The following SLC22A25 variants were observed in gnomAD, a reference collection of about 807,000 sequenced individuals.
SLC22A25 encodes MGI:2442751, MGI:2385316, MGI:3042283, MGI:3645714, MGI:3605624, MGI:2442750.
A neutral mutation model predicts 45.9 loss-of-function variants in SLC22A25; 44 were observed. The observed-to-expected ratio is 0.96, with a 90% CI of 0.75 to 1.23. The LOEUF (loss-of-function observed/expected upper bound fraction) is 1.23. Ranked by LOEUF, SLC22A25 falls within the 50% of genes most tolerant of loss-of-function variation. SLC22A25 has a pLI of 0.00. For missense variants in SLC22A25, 800 were observed against 666.4 expected (o/e 1.20, Z -2.21); for synonymous variants, 283 against 238.6 (o/e 1.19, Z -1.72).
intron 5 of SLC22A25, among the ~76,000 whole-genome samples, chr11:63,224,960 G>C (rs1315055811): frequency 6.6e-6 from 1 of 152,062 alleles, no homozygotes; most frequent in Non-Finnish European, 1.5e-5. Context: ...TTAGCCAGGC[G>C]TGGTGGCGGG....
At chr11:63,192,576 G>T (rs1265647058) in intron 7 of SLC22A25, among the ~76,000 whole-genome samples, 1 of 152,170 alleles carries the variant, frequency 6.6e-6, no homozygotes, top group African/African-American at 2.4e-5. Context: ...CCATTGGTGT[G>T]CTGTCTTTAA....
chr11:63,214,675 T>A (rs1309291406), intron 7 of SLC22A25, among the ~76,000 whole-genome samples: 1 of 152,208 alleles, frequency 6.6e-6, no homozygotes, highest in African/African-American at 2.4e-5. Context: ...CATGTCTCAA[T>A]TAATTGAATA....
chr11:63,239,797 T>G (rs773318137), intron 1 of SLC22A25, among the ~76,000 whole-genome samples: 19 of 152,220 alleles, frequency 1.2e-4, no homozygotes, highest in Non-Finnish European at 4.4e-5. Flanking sequence ...TGTTGATTTA[T>G]TCACACTGCA....
At chr11:63,232,063 G>A (rs367587366) in intron 3 of SLC22A25, among the ~76,000 whole-genome samples, 1 of 152,160 alleles carries the variant, frequency 6.6e-6, no homozygotes, top group Non-Finnish European at 1.5e-5. Flanking sequence ...AAGTCAGGTA[G>A]CGTGATGCTT....
chr11:63,241,934 T>A (rs2090255307), intron 1 of SLC22A25, among the ~76,000 whole-genome samples: 1 of 152,176 alleles, frequency 6.6e-6, no homozygotes, highest in East Asian at 1.9e-4. Context: ...TGGTTAAGGA[T>A]ATTACATTCA....
At chr11:63,186,671 C>G (rs1332917454) in intron 7 of SLC22A25, among the ~76,000 whole-genome samples, 34 of 150,844 alleles carry the variant, frequency 2.3e-4, no homozygotes, top group Non-Finnish European at 2.7e-4. Flanking sequence ...AGTTTTTATG[C>G]TTTTAGGTCT....
At chr11:63,188,445 T>C (rs189854004) in intron 7 of SLC22A25, among the ~76,000 whole-genome samples, 2 of 152,366 alleles carry the variant, frequency 1.3e-5, no homozygotes, top group Admixed American at 1.3e-4. Context: ...TTTTCTTCTT[T>C]ATTAGTCCTG....
At chr11:63,171,688 G>T (rs535626507) in intron 9 of SLC22A25, among the ~76,000 whole-genome samples, 1 of 152,250 alleles carries the variant, frequency 6.6e-6, no homozygotes, top group East Asian at 1.9e-4. Flanking sequence ...AACATTCCAT[G>T]CTCATGGATA....
At chr11:63,223,934 C>T (rs1184773591) in intron 5 of SLC22A25, among the ~76,000 whole-genome samples, 1 of 151,876 alleles carries the variant, frequency 6.6e-6, no homozygotes, top group Admixed American at 6.6e-5. Flanking sequence ...CAGAATCTGT[C>T]TTGTTGATTT....
intron 5 of SLC22A25, chr11:63,220,088 C>A (rs2089818520): frequency 9.5e-7 from 1 of 1,054,510 alleles, no homozygotes; most frequent in Non-Finnish European, 1.3e-6. Context: ...CAGACTGTGA[C>A]AATATTGTCC....
At chr11:63,222,037 T>C (rs1464144791) in intron 5 of SLC22A25, among the ~76,000 whole-genome samples, 1 of 152,184 alleles carries the variant, frequency 6.6e-6, no homozygotes, top group Non-Finnish European at 1.5e-5. Context: ...GATAGCTCTG[T>C]AGTATAATTG....
At chr11:63,165,504 C>T (rs1457796526) in intron 10 of SLC22A25, among the ~76,000 whole-genome samples, 1 of 152,158 alleles carries the variant, frequency 6.6e-6, no homozygotes, top group Non-Finnish European at 1.5e-5. Flanking sequence ...CTGGACATTT[C>T]TGTACATAAA....
At chr11:63,183,355 C>T (rs536881176) in intron 8 of SLC22A25, among the ~76,000 whole-genome samples, 1 of 152,074 alleles carries the variant, frequency 6.6e-6, no homozygotes, top group Non-Finnish European at 1.5e-5. Context: ...GTCCTTATTA[C>T]CCTGAAAGAA....
rs2087546149 is a variant in SLC22A25 at position 63,162,238 on chromosome 11, T to A, written c.*1586A>T. On this transcript the variant is annotated 3_prime_UTR_variant, in exon 12 of 12. Transcript: ENST00000306494. ...GGTTGCCTCTTTACTTTGTTGAATG[T>A]ATCCTTTGCTGTGCAGAAGTTTTTT... Among the ~76,000 whole-genome samples, 1 of 152,236 alleles carries A rather than the reference T, an allele frequency of 6.6e-6. No individual in the cohort carries two copies. Among genetic ancestry groups the A allele is most frequent in the Non-Finnish European group, 1.5e-5 (1 of 68,034 alleles).
intron 1 of SLC22A25, among the ~76,000 whole-genome samples, chr11:63,242,357 G>C (rs1045945172): frequency 6.6e-6 from 1 of 152,206 alleles, no homozygotes; most frequent in Non-Finnish European, 1.5e-5. Context: ...GTAGGATAGC[G>C]TCTTTATCAA....
In SLC22A25 at chr11:63,229,621, CCAA is replaced by C; in HGVS notation, c.29_31del (p.Val10del). On this transcript the variant is annotated inframe_deletion, in exon 4 of 12. Transcript: ENST00000306494. ...AAGGATCTGGAATCTCCCCAGGCCT[CCAA>C]CTTGATCTAGGAGGTCCTGAAAGGC... 6.2e-7 allele frequency: 1 copy of C among 1,609,158 alleles called. No individual in the cohort carries two copies. Among genetic ancestry groups the C allele is most frequent in the Non-Finnish European group, 8.5e-7 (1 of 1,175,842 alleles).
chr11:63,231,520 G>T (rs140380616), intron 3 of SLC22A25, among the ~76,000 whole-genome samples: 12,500 of 151,874 alleles, frequency 0.082, 779 homozygotes, highest in African/African-American at 0.18. Context: ...TAAATTTGTT[G>T]GAGTTCATTG....
intron 7 of SLC22A25, among the ~76,000 whole-genome samples, chr11:63,185,322 G>A (rs2088486748): frequency 6.6e-6 from 1 of 151,176 alleles, no homozygotes; most frequent in Admixed American, 6.6e-5. Flanking sequence ...GGTGAGTGAT[G>A]TTCCCCTTCC....
At chr11:63,237,067 T>A (rs2090177271) in intron 3 of SLC22A25, among the ~76,000 whole-genome samples, 1 of 152,196 alleles carries the variant, frequency 6.6e-6, no homozygotes, top group Non-Finnish European at 1.5e-5. Flanking sequence ...GCTATTGTGA[T>A]TGTATTAAGA....
Sources: gnomAD v4.1 joint callset for allele counts (sites outside exome capture counted in the v4.1 genomes callset) on GRCh38, gnomAD v4.1.1 for gene constraint, MANE v1.5 for transcripts, NCBI Gene and HGNC (gene_info 2026-07-23, HGNC 2026-07-21) for gene names.